The following MORC2 variants were observed in gnomAD, a reference collection of about 807,000 sequenced individuals.
MORC2 encodes MORC family CW-type zinc finger 2.
MORC2 carries 30 observed loss-of-function variants against 136.0 expected under a neutral mutation model. The observed-to-expected ratio is 0.22, with a 90% CI of 0.17 to 0.30. The LOEUF is 0.30. Among genes scored for constraint, MORC2 ranks in the 10% least tolerant of loss-of-function variants. MORC2 has a pLI of 1.00. For synonymous variants in MORC2, 439 were observed against 487.0 expected (o/e 0.90, Z 1.30); for missense variants, 922 against 1,333.1 (o/e 0.69, Z 4.80).
chr22:30,932,424 T>C lies in MORC2; in HGVS notation c.2776A>G (p.Ser926Gly), dbSNP rs768569356. Residue 926 changes from serine (S) to glycine (G), a missense_variant, in exon 24 of 26, where the codon AGT becomes GGT. Ser to Gly is a moderately conservative substitution (Grantham distance 56, BLOSUM62 0). This residue lies in a region of MORC2 where 263 missense variants were observed against 388.3 expected (regional missense o/e 0.68). Coordinates refer to ENST00000397641, the MANE Select transcript of MORC2 (RefSeq NM_001303256.3). The surrounding 1 kb of genome is among the most constrained non-coding windows in gnomAD (Gnocchi z 4.4). ...AGCTGCTTCTTGGAGATGGGGAAAC[T>C]TGGAGGCAGGAAGTACCGTAAACAA... ...RNCLRYFLPP[S>G]FPISKKQLSA... 34 of 1,613,966 alleles carry C rather than the reference T, an allele frequency of 2.1e-5. No individual in the cohort carries two copies. The highest frequency in any genetic ancestry group is 2.9e-5 in the Non-Finnish European group (34 of 1,179,998).
chr22:30,966,595 A>G (rs1215923507), intron 1 of MORC2, among the ~76,000 whole-genome samples: 1 of 152,032 alleles, frequency 6.6e-6, no homozygotes, highest in African/African-American at 2.4e-5. Context: ...GCCAACATAT[A>G]GTGAAACCCC....
In MORC2 at chr22:30,926,045, G is replaced by A. The variant is rs926998847; in HGVS notation, c.*758C>T. 2 of 152,264 alleles carry A rather than the reference G, an allele frequency of 1.3e-5. No homozygotes were observed. Among genetic ancestry groups the A allele is most frequent in the Admixed American group, 6.5e-5 (1 of 15,274 alleles). The allele number at this position is 152,264 out of a possible 1,614,324, so 9.4% of individuals were successfully genotyped here. A position where few individuals can be genotyped will look rare whatever the true frequency, so the allele number is the denominator to read the frequency against. ...AAGCTCCTTCCCTAAGGAGTCCTGTGGGGTTCCACACTCAGTGTGCTGCCC... is the reference window on the plus strand; with the variant it reads ...AAGCTCCTTCCCTAAGGAGTCCTGTAGGGTTCCACACTCAGTGTGCTGCCC... On this transcript the variant is annotated 3_prime_UTR_variant, in exon 26 of 26. Transcript: ENST00000397641.
intron 24 of MORC2, among the ~76,000 whole-genome samples, chr22:30,930,524 G>A (rs1430478274): frequency 6.6e-6 from 1 of 152,144 alleles, no homozygotes; most frequent in East Asian, 1.9e-4. Context: ...TTCAAATCTG[G>A]TCTCTGTCAC....
intron 1 of MORC2, among the ~76,000 whole-genome samples, chr22:30,959,599 CATGAG>C (rs999955540): frequency 6.6e-5 from 10 of 152,036 alleles, no homozygotes; most frequent in South Asian, 6.2e-4. Context: ...CAATAGTCCT[CATGAG>C]ATATCAAATT....
At chr22:30,966,067 C>T (rs2041124062) in intron 1 of MORC2, among the ~76,000 whole-genome samples, 1 of 152,174 alleles carries the variant, frequency 6.6e-6, no homozygotes, top group Admixed American at 6.5e-5. Context: ...TAATCCTTAT[C>T]CCAAAGGCTT....
rs1448861057 is a variant in MORC2, at chr22:30,932,195, TCTC to T, written c.2841+161_2841+163del. 1 of 705,426 alleles carries T rather than the reference TCTC, an allele frequency of 1.4e-6. No homozygotes were observed. Among genetic ancestry groups the T allele is most frequent in the Non-Finnish European group, 2.3e-6 (1 of 426,412 alleles). 43.7% of individuals were successfully genotyped at this position (705,426 alleles called of 1,614,324 possible). A position where few individuals can be genotyped will look rare whatever the true frequency, so the allele number is the denominator to read the frequency against. On this transcript the variant is annotated intron_variant, in intron 24 of 25. Transcript: ENST00000397641. This position sits in a 1 kb window ranked among gnomAD's most constrained non-coding sequence, Gnocchi z 4.4. ...CCAATTTTTTTCCCACATCATAAAC[TCTC>T]CTCTTCTTTCAGCAGGAGAGAGGCT...
chr22:30,946,275 C>T (rs377396844), intron 6 of MORC2, 66 bp downstream of exon 6: 12 of 1,350,346 alleles, frequency 8.9e-6, no homozygotes, highest in South Asian at 4.1e-5. Context: ...AAATAACCTA[C>T]GAAAACCGCC....
rs1191862462 is a variant in MORC2, at chr22:30,934,791, T to C, written c.2183A>G (p.Lys728Arg). Residue 728 changes from lysine to arginine, a missense_variant, in exon 19 of 26, where the codon AAA (lysine) becomes AGA (arginine). Lys to Arg is a conservative substitution (Grantham distance 26). Coordinates refer to ENST00000397641, the MANE Select transcript of MORC2 (RefSeq NM_001303256.3). This position sits in a 1 kb window ranked among gnomAD's most constrained non-coding sequence, Gnocchi z 4.4. ...GGACAAGCGTCTCACCGGGGAGAGT[T>C]TGATGGGTGACTCTGTCTTCTTCAC... ...PVVKKTESPI[K>R]LSPATPSRKR... 1.9e-6 allele frequency: 3 copies of C among 1,613,932 alleles called. No homozygotes were observed. Among genetic ancestry groups the C allele is most frequent in the East Asian group, 4.5e-5 (2 of 44,876 alleles).
chr22:30,956,632 C>T, intron 3 of MORC2, 131 bp downstream of exon 3: 1 of 754,372 alleles, frequency 1.3e-6, no homozygotes, highest in East Asian at 2.9e-5. Flanking sequence ...CCTTTTCTAC[C>T]TATGACCTGG....
chr22:30,939,467 G>A (rs994989506), intron 12 of MORC2, among the ~76,000 whole-genome samples, 154 bp downstream of exon 12: 3 of 152,210 alleles, frequency 2.0e-5, no homozygotes, highest in African/African-American at 4.8e-5. Context: ...AAAAAGGGCT[G>A]AGAGCTAGGA....
In MORC2 at chr22:30,942,198, A is replaced by G; in HGVS notation, c.500T>C (p.Ile167Thr). 2 of 1,614,174 alleles carry G rather than the reference A, an allele frequency of 1.2e-6. No individual in the cohort carries two copies. The highest frequency in any genetic ancestry group is 2.2e-5 in the South Asian group (2 of 91,082). ...PVTDNVEKFA[I>T]ETELIYKYSP... is the part of the protein sequence containing the mutation. ...GTACTTATAGATGAGTTCTGTCTCA[A>G]TGGCAAATTTCTCTACATTGTCTGT... Residue 167 changes from isoleucine to threonine, a missense_variant, in exon 7 of 26, where the codon ATT (isoleucine) becomes ACT (threonine). By Grantham distance (89) the Ile-to-Thr change is moderately conservative. Around this residue, in one of 9 missense-constraint regions of MORC2, gnomAD observed 261 missense variants for 354.3 expected, o/e 0.74. Coordinates refer to ENST00000397641, the MANE Select transcript of MORC2 (RefSeq NM_001303256.3).
intron 1 of MORC2, 199 bp downstream of exon 1, chr22:30,967,623 C>T: frequency 4.4e-6 from 6 of 1,363,006 alleles, no homozygotes; most frequent in Non-Finnish European, 5.7e-6. Flanking sequence ...AAACAAAAAT[C>T]AGATTCTTCT....
intron 6 of MORC2, among the ~76,000 whole-genome samples, chr22:30,945,005 G>C (rs1458669491): frequency 6.6e-6 from 1 of 152,164 alleles, no homozygotes; most frequent in East Asian, 1.9e-4. Context: ...AGGCCCCGAG[G>C]TCAAGCCTAA....
At chr22:30,955,952 A>G (rs1193364801) in intron 3 of MORC2, among the ~76,000 whole-genome samples, 6 of 147,474 alleles carry the variant, frequency 4.1e-5, no homozygotes. Flanking sequence ...GGTTGCAGTG[A>G]GGCAAGATCG....
At chr22:30,944,126 C>T (rs2040780332) in intron 6 of MORC2, among the ~76,000 whole-genome samples, 1 of 152,184 alleles carries the variant, frequency 6.6e-6, no homozygotes, top group South Asian at 2.1e-4. Context: ...GGACACATTC[C>T]TCCTCAACTG....
chr22:30,959,876 CATTT>C lies in MORC2; in HGVS notation c.69-1186_69-1183del, dbSNP rs1454656831. On this transcript the variant is annotated intron_variant, in intron 1 of 25. Transcript: ENST00000397641. The stretch of plus-strand genomic sequence containing the variant: ...ACCATATTGCAAACAAAATGTAAAA[CATTT>C]ATTAAATAAATATCCATAACTAAAC... Among the ~76,000 whole-genome samples the C allele has an allele frequency of 5.3e-5, 8 of 152,344 alleles. No individual in the cohort carries two copies. The East Asian group carries it at 1.5e-3, about 29-fold the overall frequency.
chr22:30,968,678 C>T lies in MORC2; in HGVS notation c.-789G>A, dbSNP rs1371836470. 6.6e-6 allele frequency among the ~76,000 whole-genome samples: 1 copy of T among 152,122 alleles called. No homozygotes were observed. The highest frequency in any genetic ancestry group is 1.5e-5 in the Non-Finnish European group (1 of 68,004). On this transcript the variant is annotated 5_prime_UTR_variant, in exon 1 of 26. Transcript: ENST00000397641. ...TCCCGGGCCTCGGTCCCGTGGCCGCCTCCCCACGAAGAGGAGCTACTCCCG... is the reference window on the plus strand; with the variant it reads ...TCCCGGGCCTCGGTCCCGTGGCCGCTTCCCCACGAAGAGGAGCTACTCCCG...
chr22:30,933,340 C>A, intron 21 of MORC2, 126 bp downstream of exon 21: 1 of 1,054,614 alleles, frequency 9.5e-7, no homozygotes, highest in Admixed American at 2.3e-5. Context: ...GGATCCACTG[C>A]TGCACAAGAG....
At chr22:30,938,351 G>T in intron 12 of MORC2, 146 bp from the exon 13 acceptor site, 1 of 890,258 alleles carries the variant, frequency 1.1e-6, no homozygotes, top group Non-Finnish European at 1.7e-6. Context: ...TGTTAGACTT[G>T]ATATGGACAT....
Sources: allele counts gnomAD v4.1 joint callset (sites outside exome capture counted in the v4.1 genomes callset), GRCh38; gene constraint gnomAD v4.1.1; regional missense constraint gnomAD v4.1.1; non-coding constraint Gnocchi (gnomAD v3.1); transcripts MANE v1.5; gene names NCBI Gene and HGNC (gene_info 2026-07-23, HGNC 2026-07-21).